SYN3: variants seen among roughly 807,000 people sequenced by gnomAD.
SYN3 encodes synapsin III, also known as synapsin-3.
SYN3 carries 35 observed loss-of-function variants against 65.8 expected under a neutral mutation model. The observed-to-expected ratio is 0.53, with a 90% CI of 0.41 to 0.70. SYN3 has a LOEUF of 0.70. Among genes scored for constraint, SYN3 ranks in the 30% least tolerant of loss-of-function variants. The pLI is 0.00. For missense variants in SYN3, 680 were observed against 749.0 expected, an observed-to-expected ratio of 0.91 and a Z score of 1.08; for synonymous variants, 270 against 292.9, an observed-to-expected ratio of 0.92 and a Z score of 0.80.
chr22:32,962,565 G>A (rs1030711916), intron 3 of SYN3, among the ~76,000 whole-genome samples: 1 of 152,190 alleles, frequency 6.6e-6, no homozygotes, highest in East Asian at 1.9e-4. Flanking sequence ...GGAATGAGGC[G>A]GCGAGTTAGC....
intron 6 of SYN3, among the ~76,000 whole-genome samples, chr22:32,652,372 G>A (rs765382322): frequency 2.0e-5 from 3 of 148,764 alleles, no homozygotes; most frequent in African/African-American, 2.5e-5. Context: ...CTAAGTCTGC[G>A]ATGCAAGTTT....
chr22:32,958,342 G>A (rs1031952502), intron 3 of SYN3, among the ~76,000 whole-genome samples: 1 of 152,192 alleles, frequency 6.6e-6, no homozygotes, highest in Non-Finnish European at 1.5e-5. Context: ...GATTGCTCAC[G>A]TCGCTTTCTG....
intron 6 of SYN3, among the ~76,000 whole-genome samples, chr22:32,689,518 G>A (rs1302569922): frequency 6.6e-6 from 1 of 152,206 alleles, no homozygotes; most frequent in Non-Finnish European, 1.5e-5. Flanking sequence ...CTGGCCCTGA[G>A]TTTGCTCCAG....
Position 32,956,312 on chromosome 22 carries a change from C to T in SYN3, c.369+24333G>A, listed in dbSNP as rs537604807. ...CTAGGATTACAGGTGCCCACCACCA[C>T]GCCCAGCTAATTTTTGTATTTTTAG... On this transcript the variant is annotated intron_variant, in intron 3 of 13. Coordinates refer to ENST00000358763, the MANE Select transcript of SYN3 (RefSeq NM_003490.4). Among the ~76,000 whole-genome samples, 7 of 151,924 alleles carry T rather than the reference C, an allele frequency of 4.6e-5. No homozygotes were observed. The East Asian group carries it at 5.8e-4, about 13-fold the overall frequency.
chr22:32,749,716 G>C (rs768297542), intron 6 of SYN3, among the ~76,000 whole-genome samples: 2 of 152,126 alleles, frequency 1.3e-5, no homozygotes, highest in Non-Finnish European at 2.9e-5. Flanking sequence ...TACGGCATTA[G>C]TCTTCTCTGA....
At chr22:32,955,059 C>T (rs1440935647) in intron 3 of SYN3, among the ~76,000 whole-genome samples, 1 of 151,768 alleles carries the variant, frequency 6.6e-6, no homozygotes, top group Non-Finnish European at 1.5e-5. Context: ...GCAGACCTCG[C>T]CTTCTTGTTC....
chr22:32,671,872 TAC>T (rs1325921119), intron 6 of SYN3, among the ~76,000 whole-genome samples: 2 of 152,108 alleles, frequency 1.3e-5, no homozygotes, highest in African/African-American at 2.4e-5. Flanking sequence ...CTCACACAGG[TAC>T]ACACACACAC....
chr22:32,569,561 CTCTCTCTCTCTA>C lies in SYN3; in HGVS notation c.774+27101_774+27112del, dbSNP rs60061545. 6.7e-3 allele frequency among the ~76,000 whole-genome samples: 346 copies of C among 51,740 alleles called. 3 individuals carry two copies. The highest frequency in any genetic ancestry group is 0.019 in the African/African-American group (327 of 17,170). The allele number at this position is 51,740 out of a possible 152,430, so 33.9% of individuals were successfully genotyped here. On this transcript the variant is annotated intron_variant, in intron 7 of 13. Coordinates refer to ENST00000358763, the MANE Select transcript of SYN3 (RefSeq NM_003490.4). ...AATCTCTCTCTCTCTCTCTCTCTCT[CTCTCTCTCTCTA>C]TATATATATATATATAAAATCTATC...
chr22:32,752,198 G>A (rs1027549917), intron 6 of SYN3, among the ~76,000 whole-genome samples: 6 of 152,248 alleles, frequency 3.9e-5, no homozygotes, highest in Admixed American at 6.5e-5. Flanking sequence ...GGTAAAGCTG[G>A]GAACAGCAGC....
At chr22:32,517,545 C>CT (rs151187441) in intron 13 of SYN3, among the ~76,000 whole-genome samples, 4,107 of 151,270 alleles carry the variant, frequency 0.027, 158 homozygotes, top group African/African-American at 0.092. Flanking sequence ...AAAGCTAAGA[C>CT]TTTTTTTTTA....
At chr22:32,650,642 T>C (rs4303813) in intron 6 of SYN3, among the ~76,000 whole-genome samples, 31,261 of 151,862 alleles carry the variant, frequency 0.21, 4,131 homozygotes, top group East Asian at 0.68. Flanking sequence ...ATTACACAAA[T>C]GAAGGAGAAA....
intron 2 of SYN3, among the ~76,000 whole-genome samples, chr22:32,982,132 G>A (rs1033696693): frequency 8.6e-5 from 13 of 151,962 alleles, no homozygotes; most frequent in South Asian, 2.1e-4. Context: ...TTTTAGTGAC[G>A]CCCATTATCC....
rs73158370 is a variant in SYN3 at position 32,877,339 on chromosome 22, G to A, written c.462-8214C>T. 5.2e-3 allele frequency among the ~76,000 whole-genome samples: 786 copies of A among 152,258 alleles called. 5 individuals carry two copies. The highest frequency in any genetic ancestry group is 0.017 in the Middle Eastern group (5 of 294). On this transcript the variant is annotated intron_variant, in intron 4 of 13. Transcript: ENST00000358763. ...AACAAGGAAAACCTACCATGAATCC[G>A]AGGCACAGAGCAGCTAAGGAACTCA... is the stretch of plus-strand genomic sequence containing the variant.
chr22:32,711,842 C>A (rs568135654), intron 6 of SYN3, among the ~76,000 whole-genome samples: 1 of 152,338 alleles, frequency 6.6e-6, no homozygotes, highest in East Asian at 1.9e-4. Context: ...GAAATGCTTG[C>A]TTCCAGGAGT....
rs1168929681 is a variant in SYN3, at chr22:32,510,483, G to A, written c.*3209C>T. Among the ~76,000 whole-genome samples, 1 of 152,152 alleles carries A rather than the reference G, an allele frequency of 6.6e-6. No individual in the cohort carries two copies. The highest frequency in any genetic ancestry group is 1.5e-5 in the Non-Finnish European group (1 of 68,024). Reference sequence around the variant, plus strand: ...GTGAGATTGTTGAAGAGGGACGATTGCCACAGGGGTTTCCTGTGTTCTTAA... The same window carrying A: ...GTGAGATTGTTGAAGAGGGACGATTACCACAGGGGTTTCCTGTGTTCTTAA... On this transcript the variant is annotated 3_prime_UTR_variant, in exon 14 of 14. Coordinates refer to ENST00000358763, the MANE Select transcript of SYN3 (RefSeq NM_003490.4).
intron 6 of SYN3, among the ~76,000 whole-genome samples, chr22:32,814,339 G>GAA (rs369652077): frequency 0.043 from 421 of 9,770 alleles, 2 homozygotes; most frequent in Middle Eastern, 0.083. Flanking sequence ...AAGAAAGAAA[G>GAA]AGAAAGAAAG....
Position 32,518,304 on chromosome 22 carries a change from G to C in SYN3, c.1349C>G (p.Pro450Arg), listed in dbSNP as rs766144993. Residue 450 changes from proline (P) to arginine (R), a missense_variant, in exon 13 of 14, where the codon CCC becomes CGC. Physicochemically the swap from Pro to Arg is moderately radical, Grantham distance 103 (BLOSUM62 -2). Transcript: ENST00000358763. Reference sequence around the variant, plus strand: ...TTGGGAGGGGCTTCCAGATCTCTGGGGCTGAGGAGACTGAGCTTGGCGAGG... The same window carrying C: ...TTGGGAGGGGCTTCCAGATCTCTGGCGCTGAGGAGACTGAGCTTGGCGAGG... ...GGPRQAQSPQ[P>R]QRSGSPSQQR... 4 of 1,609,906 alleles carry C rather than the reference G, an allele frequency of 2.5e-6. No individual in the cohort carries two copies. The highest frequency in any genetic ancestry group is 3.4e-6 in the Non-Finnish European group (4 of 1,177,854).
chr22:32,533,725 G>T, intron 10 of SYN3, 68 bp downstream of exon 10: 1 of 1,106,214 alleles, frequency 9.0e-7, no homozygotes, highest in Non-Finnish European at 1.4e-6. Flanking sequence ...GACCATGCAG[G>T]GATTCCCTCC....
intron 7 of SYN3, among the ~76,000 whole-genome samples, chr22:32,594,623 A>G (rs767411158): frequency 6.6e-6 from 1 of 151,944 alleles, no homozygotes. Context: ...AAGTAGCTGG[A>G]ATTACAGGCA....
Sources: allele counts gnomAD v4.1 joint callset (sites outside exome capture counted in the v4.1 genomes callset), GRCh38; gene constraint gnomAD v4.1.1; transcripts MANE v1.5; gene names NCBI Gene and HGNC (gene_info 2026-07-23, HGNC 2026-07-21).